The following ANKRD30BL variants were observed in gnomAD, a reference collection of about 807,000 sequenced individuals.
ANKRD30BL encodes the protein ankyrin repeat domain 30B like, also known as putative ankyrin repeat domain-containing protein 30B-like.
ANKRD30BL carries 20 observed loss-of-function variants against 18.4 expected under a neutral mutation model. The ratio of observed to expected loss-of-function variants is 1.09; its 90% CI spans 0.77 to 1.58. The LOEUF (loss-of-function observed/expected upper bound fraction) is 1.58, where lower values mean the gene tolerates loss of function less well. ANKRD30BL is among the 40% of genes most tolerant of loss of function. ANKRD30BL has a pLI of 0.00. For missense variants in ANKRD30BL, 224 were observed against 268.6 expected (o/e 0.83, Z 1.16); for synonymous variants, 72 against 100.9 (o/e 0.71, Z 1.72).
At chr2:132,163,188 T>C (rs1206966673), upstream of ANKRD30BL, among the ~76,000 whole-genome samples, 1 of 152,198 alleles carries the variant, frequency 6.6e-6, no homozygotes, top group Non-Finnish European at 1.5e-5. Context: ...CAGGACCTCA[T>C]GCCTGTACTT....
At chr2:132,236,569 A>C (rs1320977107) in intron 1 of ANKRD30BL, among the ~76,000 whole-genome samples, 1 of 152,186 alleles carries the variant, frequency 6.6e-6, no homozygotes, top group African/African-American at 2.4e-5. Flanking sequence ...TCAAAACCAC[A>C]ATGAGATACC....
At chr2:132,188,450 CT>C (rs1264858689) in intron 1 of ANKRD30BL, among the ~76,000 whole-genome samples, 1 of 152,234 alleles carries the variant, frequency 6.6e-6, no homozygotes, top group Admixed American at 6.5e-5. Flanking sequence ...GGCGCGGTGG[CT>C]CACGCCTATA....
At chr2:132,232,694 C>T (rs1393162497) in intron 1 of ANKRD30BL, among the ~76,000 whole-genome samples, 1 of 151,882 alleles carries the variant, frequency 6.6e-6, no homozygotes, top group Non-Finnish European at 1.5e-5. Flanking sequence ...GTGAAAAGAC[C>T]AAATCTACTT....
chr2:132,231,506 G>A (rs1266299888), intron 1 of ANKRD30BL, among the ~76,000 whole-genome samples: 2 of 152,220 alleles, frequency 1.3e-5, no homozygotes, highest in Admixed American at 6.6e-5. Flanking sequence ...CTGAAGCAGG[G>A]CGATGCATTG....
chr2:132,194,523 G>A (rs1321602749), intron 1 of ANKRD30BL, among the ~76,000 whole-genome samples: 1 of 152,186 alleles, frequency 6.6e-6, no homozygotes, highest in Non-Finnish European at 1.5e-5. Context: ...TCTCCAATGA[G>A]TAACTTTAAT....
intron 1 of ANKRD30BL, among the ~76,000 whole-genome samples, chr2:132,250,820 C>T (rs966687142): frequency 2.0e-5 from 3 of 152,014 alleles, no homozygotes; most frequent in African/African-American, 7.2e-5. Flanking sequence ...ATTCTTTACC[C>T]TAAATATTTA....
intron 1 of ANKRD30BL, among the ~76,000 whole-genome samples, chr2:132,202,590 G>A (rs373136176): frequency 6.6e-6 from 1 of 151,730 alleles, no homozygotes; most frequent in Admixed American, 6.6e-5. Flanking sequence ...ATATAAATGT[G>A]ATATAACCAA....
chr2:132,150,213 G>T (rs925132807), intron 5 of ANKRD30BL, among the ~76,000 whole-genome samples: 18 of 129,426 alleles, frequency 1.4e-4, no homozygotes, highest in Non-Finnish European at 2.4e-4. Flanking sequence ...AGGAGACCAT[G>T]TCTCTACAAT....
chr2:132,220,959 G>A (rs894351535), intron 1 of ANKRD30BL, among the ~76,000 whole-genome samples: 1 of 151,486 alleles, frequency 6.6e-6, no homozygotes, highest in African/African-American at 2.4e-5. Flanking sequence ...GAAGTGAGGA[G>A]CGTCTCTGCC....
chr2:132,161,457 C>T lies in ANKRD30BL; in HGVS notation c.218+31G>A, dbSNP rs373543608. On this transcript the variant is annotated intron_variant, in intron 1 of 5. Transcript: ENST00000409867. The stretch of plus-strand genomic sequence containing the variant: ...ATCCTCCCACAGCCTCCTCCTCCTC[C>T]TGCAGCCCCGGCTCAGGCAGGGCCT... 340 of 1,439,572 alleles carry T rather than the reference C, an allele frequency of 2.4e-4. 1 individual carries two copies. The South Asian group carries it at 3.2e-3, about 14-fold the overall frequency. 89.2% of individuals were successfully genotyped at this position (1,439,572 alleles called of 1,614,324 possible).
intron 1 of ANKRD30BL, among the ~76,000 whole-genome samples, chr2:132,185,130 T>A (rs1333225720): frequency 6.6e-6 from 1 of 152,126 alleles, no homozygotes; most frequent in Admixed American, 6.6e-5. Context: ...TTTAAAGTAC[T>A]CAACCTATCA....
chr2:132,213,261 G>T (rs1679403538), intron 1 of ANKRD30BL, among the ~76,000 whole-genome samples: 1 of 151,482 alleles, frequency 6.6e-6, no homozygotes, highest in Admixed American at 6.6e-5. Context: ...CTCTGCAAGT[G>T]GACATTTGGA....
At chr2:132,253,463 C>A (rs1307669388) in intron 1 of ANKRD30BL, among the ~76,000 whole-genome samples, 1 of 152,114 alleles carries the variant, frequency 6.6e-6, no homozygotes, top group Non-Finnish European at 1.5e-5. Flanking sequence ...GAGGTGGTGC[C>A]GACCACAGTG....
intron 1 of ANKRD30BL, among the ~76,000 whole-genome samples, chr2:132,230,505 G>A (rs1403201655): frequency 6.6e-6 from 1 of 152,052 alleles, no homozygotes; most frequent in East Asian, 1.9e-4. Context: ...AGCATTCTCA[G>A]AAACTTATTT....
At chr2:132,199,417 C>G (rs920762331) in intron 1 of ANKRD30BL, among the ~76,000 whole-genome samples, 10 of 152,050 alleles carry the variant, frequency 6.6e-5, no homozygotes, top group African/African-American at 2.4e-4. Context: ...AGGCACTGTG[C>G]TAAATACTTT....
chr2:132,253,362 C>A (rs1053236062), intron 1 of ANKRD30BL: 1 of 152,602 alleles, frequency 6.6e-6, no homozygotes, highest in Non-Finnish European at 1.5e-5. Context: ...CCTGGCACAG[C>A]ACGTCACCCA....
intron 1 of ANKRD30BL, among the ~76,000 whole-genome samples, chr2:132,189,637 G>T (rs1489202308): frequency 2.0e-5 from 3 of 151,460 alleles, no homozygotes; most frequent in Non-Finnish European, 2.9e-5. Flanking sequence ...CGCTGGTGAT[G>T]TATCAACCAG....
intron 1 of ANKRD30BL, among the ~76,000 whole-genome samples, chr2:132,221,258 C>T (rs1293907880): frequency 4.7e-5 from 7 of 147,782 alleles, no homozygotes; most frequent in South Asian, 2.1e-4. Flanking sequence ...TCTGCCCGGC[C>T]GCCCCTACTG....
intron 1 of ANKRD30BL, among the ~76,000 whole-genome samples, chr2:132,248,068 C>T (rs1680549630): frequency 6.6e-6 from 1 of 151,904 alleles, no homozygotes; most frequent in Non-Finnish European, 1.5e-5. Flanking sequence ...AGAAGTTTCT[C>T]AGAGTGCATC....
Sources: allele counts gnomAD v4.1 joint callset (sites outside exome capture counted in the v4.1 genomes callset), GRCh38; gene constraint gnomAD v4.1.1; transcripts MANE v1.5; gene names NCBI Gene and HGNC (gene_info 2026-07-23, HGNC 2026-07-21).